UBE2N: variants seen among roughly 807,000 people sequenced by gnomAD.
The protein encoded by UBE2N is ubiquitin-conjugating enzyme E2 N.
For missense variants in UBE2N, 60 were observed against 192.1 expected, an observed-to-expected ratio of 0.31 and a Z score of 4.07; for synonymous variants, 70 against 69.2, an observed-to-expected ratio of 1.01 and a Z score of -0.06.
chr12:93,421,035 T>A (rs1878390901), intron 1 of UBE2N, among the ~76,000 whole-genome samples: 1 of 152,170 alleles, frequency 6.6e-6, no homozygotes, highest in South Asian at 2.1e-4. Context: ...CTGACTTAAG[T>A]GCTACATATG....
rs1362834375 is a variant in UBE2N at position 93,406,703 on chromosome 12, GTAT to G, written c.*3333_*3335del. On this transcript the variant is annotated 3_prime_UTR_variant, in exon 4 of 4. Coordinates refer to ENST00000318066, the MANE Select transcript of UBE2N (RefSeq NM_003348.4). ...TTACATAGCACTTACATTATAATAGGTATTATAAGTAATCTAAATATTAACATA... is the reference window on the plus strand; with the variant it reads ...TTACATAGCACTTACATTATAATAGGTATAAGTAATCTAAATATTAACATA... 16 of 152,100 alleles carry G rather than the reference GTAT, an allele frequency of 1.1e-4. No homozygotes were observed. The highest frequency in any genetic ancestry group is 3.9e-4 in the African/African-American group (16 of 41,402). The allele number at this position is 152,100 out of a possible 1,614,324, so 9.4% of individuals were successfully genotyped here. A position where few individuals can be genotyped will look rare whatever the true frequency, so the allele number is the denominator to read the frequency against.
intron 1 of UBE2N, among the ~76,000 whole-genome samples, chr12:93,435,577 G>C (rs1189674837): frequency 2.0e-5 from 3 of 152,210 alleles, no homozygotes; most frequent in Non-Finnish European, 4.4e-5. Flanking sequence ...AGTAAGCCGA[G>C]ATTGTGCCAT....
chr12:93,438,364 G>A (rs149990447), intron 1 of UBE2N, among the ~76,000 whole-genome samples: 4 of 152,290 alleles, frequency 2.6e-5, no homozygotes, highest in East Asian at 1.9e-4. Flanking sequence ...TAGGTAGAGG[G>A]TATGACATAT....
At chr12:93,424,970 G>A (rs1046835779) in intron 1 of UBE2N, among the ~76,000 whole-genome samples, 13 of 152,048 alleles carry the variant, frequency 8.5e-5, no homozygotes, top group Admixed American at 2.0e-4. Context: ...TTTATGAAAC[G>A]AACAAACCAT....
intron 1 of UBE2N, chr12:93,429,378 TA>T: frequency 2.5e-6 from 1 of 402,260 alleles, no homozygotes; most frequent in Non-Finnish European, 4.8e-6. Flanking sequence ...AATTCTCGTT[TA>T]AAATTAGTCT....
rs1243260305 is a variant in UBE2N, at chr12:93,406,344, C to G, written c.*3695G>C. On this transcript the variant is annotated 3_prime_UTR_variant, in exon 4 of 4. Transcript: ENST00000318066. Reference sequence around the variant, plus strand: ...TTCAACAGAAAAATGAGGCCTATTCCTATCATTTCCTCGATCCAATTTAGT... The same window carrying G: ...TTCAACAGAAAAATGAGGCCTATTCGTATCATTTCCTCGATCCAATTTAGT... 7.0e-6 allele frequency: 1 copy of G among 143,356 alleles called. No individual in the cohort carries two copies. The highest frequency in any genetic ancestry group is 2.1e-4 in the East Asian group (1 of 4,678). The allele number at this position is 143,356 out of a possible 1,614,324, so 8.9% of individuals were successfully genotyped here.
intron 1 of UBE2N, among the ~76,000 whole-genome samples, chr12:93,418,355 T>TTAAAACCTTTAAGATAG (rs1289299585): frequency 6.6e-6 from 1 of 151,416 alleles, no homozygotes; most frequent in Non-Finnish European, 1.5e-5. Context: ...TAGTGAGACC[T>TTAAAACCTTTAAGATAG]TGTCTCTTAA....
intron 3 of UBE2N, chr12:93,410,280 G>C: frequency 3.7e-6 from 2 of 535,296 alleles, no homozygotes; most frequent in Non-Finnish European, 6.5e-6. Context: ...ATAAAATTAA[G>C]AAGTTCTAGA....
intron 1 of UBE2N, among the ~76,000 whole-genome samples, chr12:93,429,849 T>C (rs758714355): frequency 6.6e-6 from 1 of 152,174 alleles, no homozygotes; most frequent in East Asian, 1.9e-4. Context: ...CACAGCTGTA[T>C]GATGTGTGTT....
intron 1 of UBE2N, chr12:93,441,276 C>G (rs1879098223): frequency 6.6e-6 from 1 of 152,366 alleles, no homozygotes. Flanking sequence ...CAGGGGCGAG[C>G]ATGTGCTGAC....
intron 1 of UBE2N, among the ~76,000 whole-genome samples, chr12:93,415,004 A>T (rs1354980637): frequency 1.3e-5 from 2 of 152,186 alleles, no homozygotes; most frequent in African/African-American, 4.8e-5. Context: ...AACGATCAGA[A>T]TTTCATCGTT....
chr12:93,410,229 G>A (rs1267156552), intron 3 of UBE2N, 150 bp from the exon 4 acceptor site: 5 of 691,028 alleles, frequency 7.2e-6, no homozygotes, highest in Non-Finnish European at 1.2e-5. Flanking sequence ...TTGGATCAGG[G>A]CTGAAAGATT....
intron 1 of UBE2N, 73 bp downstream of exon 1, chr12:93,441,780 CGA>C: frequency 1.3e-6 from 2 of 1,554,016 alleles, no homozygotes; most frequent in Admixed American, 1.9e-5. Context: ...CCGAAGGAGG[CGA>C]GAGGCCGCGC....
At chr12:93,422,506 C>A (rs958686995) in intron 1 of UBE2N, among the ~76,000 whole-genome samples, 2 of 152,096 alleles carry the variant, frequency 1.3e-5, no homozygotes, top group African/African-American at 4.8e-5. Flanking sequence ...TATTAACAAA[C>A]CTATTGCATA....
chr12:93,441,468 C>G (rs1224643523), intron 1 of UBE2N, among the ~76,000 whole-genome samples: 1 of 152,128 alleles, frequency 6.6e-6, no homozygotes, highest in Non-Finnish European at 1.5e-5. Context: ...CACCAGGCGC[C>G]CGAGCCCCGC....
At chr12:93,438,481 AAC>A (rs1024720183) in intron 1 of UBE2N, among the ~76,000 whole-genome samples, 21 of 152,282 alleles carry the variant, frequency 1.4e-4, no homozygotes, top group African/African-American at 4.8e-4. Flanking sequence ...ACAGCAAAGC[AAC>A]AGTGTGGCTA....
intron 1 of UBE2N, among the ~76,000 whole-genome samples, chr12:93,417,854 A>C (rs946757206): frequency 1.3e-5 from 2 of 152,196 alleles, no homozygotes; most frequent in East Asian, 3.8e-4. Flanking sequence ...ATAAAGAAAA[A>C]AATTATGAAA....
intron 1 of UBE2N, among the ~76,000 whole-genome samples, chr12:93,424,917 TTATC>T (rs1878533289): frequency 6.6e-6 from 1 of 152,248 alleles, no homozygotes; most frequent in African/African-American, 2.4e-5. Context: ...ATATTTAATG[TTATC>T]TATTTTGTGA....
intron 1 of UBE2N, among the ~76,000 whole-genome samples, chr12:93,422,336 A>G (rs933420739): frequency 6.6e-6 from 1 of 152,242 alleles, no homozygotes; most frequent in African/African-American, 2.4e-5. Context: ...AATAAAAATA[A>G]GACTTTAGTG....
Sources: gnomAD v4.1 joint callset for allele counts (sites outside exome capture counted in the v4.1 genomes callset) on GRCh38, gnomAD v4.1.1 for gene constraint, MANE v1.5 for transcripts, NCBI Gene and HGNC (gene_info 2026-07-23, HGNC 2026-07-21) for gene names.